PRDM11: variants seen among roughly 807,000 people sequenced by gnomAD.
The protein encoded by PRDM11 is PR domain-containing protein 11.
Under a neutral mutation model 97.8 loss-of-function variants are expected in PRDM11, and 20 were observed. The ratio of observed to expected loss-of-function variants is 0.20; its 90% CI spans 0.14 to 0.30. The LOEUF (loss-of-function observed/expected upper bound fraction) is 0.30. PRDM11 is among the 10% of genes least tolerant of loss of function. The pLI is 1.00. For synonymous variants in PRDM11, 599 were observed against 637.7 expected, an observed-to-expected ratio of 0.94 and a Z score of 0.91; for missense variants, 1,139 against 1,555.2, an observed-to-expected ratio of 0.73 and a Z score of 4.50.
chr11:45,161,952 G>T lies in PRDM11; in HGVS notation c.-7+15075G>T, dbSNP rs555497402. On this transcript the variant is annotated intron_variant, in intron 1 of 7. Coordinates refer to ENST00000683152, the MANE Select transcript of PRDM11 (RefSeq NM_001384648.1). ...CCGGCAGGGCTGGGAATGGTAGCCA[G>T]GCCATCTGGTTCCCTGTCCGGTTCT... Among the ~76,000 whole-genome samples the T allele has an allele frequency of 2.3e-4, 35 of 152,356 alleles. No individual in the cohort carries two copies. In the South Asian group the frequency reaches 3.5e-3, roughly 15 times the overall value.
chr11:45,227,059 C>G lies in PRDM11; in HGVS notation c.2434C>G (p.Leu812Val). 7 of 1,533,954 alleles carry G rather than the reference C, an allele frequency of 4.6e-6. No homozygotes were observed. The highest frequency in any genetic ancestry group is 6.1e-6 in the Non-Finnish European group (7 of 1,146,730). ...CGAGCTGCGGTCCACGGCGGCCACC[C>G]TTTGTGAGGAGACAGAGTTCCTGGG... ...MCELRSTAAT[L>V]CEETEFLGDI... Residue 812 changes from leucine (L) to valine (V), a missense_variant, in exon 8 of 8, where the codon CTT becomes GTT. This residue lies in a region of PRDM11 where 710 missense variants were observed against 1,044.9 expected (regional missense o/e 0.68). Transcript: ENST00000683152. The surrounding 1 kb of genome is among the most constrained non-coding windows in gnomAD (Gnocchi z 8.0).
intron 1 of PRDM11, among the ~76,000 whole-genome samples, chr11:45,136,143 T>C (rs768254572): frequency 8.5e-5 from 13 of 152,218 alleles, no homozygotes; most frequent in Admixed American, 2.6e-4. Flanking sequence ...TGAGAACTCT[T>C]TGTAATAGCT....
At position 45,219,728 on chromosome 11, in the gene PRDM11, A is replaced by C. The variant is rs748356282; in HGVS notation, c.713A>C (p.Gln238Pro). ...ATGAAGCGCCTGCACAGCATGTCCC[A>C]GGAAACCATTCACCGCAACCTGGCC... ...DYMKRLHSMS[Q>P]ETIHRNLARG... is the part of the protein sequence containing the mutation. Residue 238 changes from glutamine to proline, a missense_variant, in exon 6 of 8, where the codon CAG becomes CCG. Coordinates refer to ENST00000683152, the MANE Select transcript of PRDM11 (RefSeq NM_001384648.1). This position sits in a 1 kb window ranked among gnomAD's most constrained non-coding sequence, Gnocchi z 4.2. 7 of 1,613,962 alleles carry C rather than the reference A, an allele frequency of 4.3e-6. No individual in the cohort carries two copies. The Admixed American group carries it at 8.3e-5, about 19-fold the overall frequency.
At chr11:45,200,736 C>T (rs1184534282) in intron 4 of PRDM11, among the ~76,000 whole-genome samples, 1 of 152,210 alleles carries the variant, frequency 6.6e-6, no homozygotes, top group Non-Finnish European at 1.5e-5. Context: ...AGGGTCCCTG[C>T]AGACTGGAGC....
chr11:45,145,066 C>T (rs1288853809), upstream of PRDM11, among the ~76,000 whole-genome samples: 1 of 151,852 alleles, frequency 6.6e-6, no homozygotes, highest in East Asian at 1.9e-4. Flanking sequence ...TTGCATTGAA[C>T]CTCATATAAC....
At chr11:45,107,647 G>C (rs2135599845) in intron 1 of PRDM11, among the ~76,000 whole-genome samples, 1 of 152,154 alleles carries the variant, frequency 6.6e-6, no homozygotes, top group South Asian at 2.1e-4. Context: ...GGTAGGGGTG[G>C]GGTTCCTCTA....
intron 7 of PRDM11, chr11:45,225,055 TA>T: frequency 6.9e-7 from 1 of 1,442,824 alleles, no homozygotes; most frequent in Non-Finnish European, 9.0e-7. Context: ...GTTGCCCTTG[TA>T]TCCTCCTTGT....
At chr11:45,152,979 G>A (rs1487721) in intron 1 of PRDM11, among the ~76,000 whole-genome samples, 70,354 of 152,146 alleles carry the variant, frequency 0.46, 18,178 homozygotes, top group Non-Finnish European at 0.58. Context: ...AACAGCAGTG[G>A]CTTGGGCATA....
At chr11:45,211,405 A>G (rs978356500) in intron 5 of PRDM11, among the ~76,000 whole-genome samples, 3 of 152,162 alleles carry the variant, frequency 2.0e-5, no homozygotes, top group Non-Finnish European at 2.9e-5. Context: ...GGGTCAGCCC[A>G]TACATCATTT....
At position 45,119,619 on chromosome 11, in the gene PRDM11, CAAAAAAAAAAAA is replaced by C. The variant is rs56367204; in HGVS notation, c.96+23737_96+23748del. On this transcript the variant is annotated intron_variant, in intron 1 of 6. Transcript: ENST00000530656. ...CCTGGGTGACAGCGAGATTCTGTCT[CAAAAAAAAAAAA>C]AAAAAAAAAAAAAAAAAACACCTGG... 2.9e-3 allele frequency among the ~76,000 whole-genome samples: 124 copies of C among 43,064 alleles called. 1 individual carries two copies. The highest frequency in any genetic ancestry group is 0.013 in the South Asian group (11 of 826). 28.3% of individuals were successfully genotyped at this position (43,064 alleles called of 152,430 possible).
intron 1 of PRDM11, among the ~76,000 whole-genome samples, chr11:45,173,499 G>A (rs1852252702): frequency 6.6e-6 from 1 of 151,882 alleles, no homozygotes; most frequent in Non-Finnish European, 1.5e-5. Flanking sequence ...GCGCACGGCT[G>A]TAATCCCAGC....
chr11:45,212,296 G>T (rs868462321), intron 5 of PRDM11, among the ~76,000 whole-genome samples: 1 of 152,280 alleles, frequency 6.6e-6, no homozygotes, highest in Middle Eastern at 3.4e-3. Context: ...CTGGGCCCAC[G>T]CACCTCAGGG....
chr11:45,144,824 C>A (rs539098881), upstream of PRDM11, among the ~76,000 whole-genome samples: 2 of 152,360 alleles, frequency 1.3e-5, no homozygotes, highest in African/African-American at 4.8e-5. Context: ...TTCCTCAGTG[C>A]TCTTTTCTCG....
intron 5 of PRDM11, among the ~76,000 whole-genome samples, chr11:45,209,636 G>A (rs1327240912): frequency 6.6e-6 from 1 of 152,174 alleles, no homozygotes; most frequent in East Asian, 1.9e-4. Context: ...AAGGGATGGA[G>A]GACACAGGAG....
At chr11:45,208,993 G>A (rs759652884) in intron 5 of PRDM11, 74 of 456,680 alleles carry the variant, frequency 1.6e-4, no homozygotes, top group Non-Finnish European at 2.5e-4. Flanking sequence ...GAGACCATGC[G>A]GCTGTCCCAT....
chr11:45,172,750 A>G (rs1302921899), intron 1 of PRDM11, among the ~76,000 whole-genome samples: 2 of 152,188 alleles, frequency 1.3e-5, no homozygotes, highest in Non-Finnish European at 2.9e-5. Context: ...ATATGGGAGG[A>G]TATCCAAAGG....
At chr11:45,117,875 G>A (rs1389511310) in intron 1 of PRDM11, among the ~76,000 whole-genome samples, 2 of 152,156 alleles carry the variant, frequency 1.3e-5, no homozygotes, top group African/African-American at 4.8e-5. Flanking sequence ...CTGTACTGTG[G>A]GAAAACCTGA....
intron 1 of PRDM11, among the ~76,000 whole-genome samples, chr11:45,179,250 T>A (rs937767638): frequency 1.3e-5 from 2 of 152,080 alleles, no homozygotes; most frequent in African/African-American, 4.8e-5. Context: ...TCCCAGCCAA[T>A]GGAGAGAATT....
At chr11:45,152,847 A>G (rs940705749) in intron 1 of PRDM11, among the ~76,000 whole-genome samples, 2 of 152,322 alleles carry the variant, frequency 1.3e-5, no homozygotes, top group South Asian at 2.1e-4. Context: ...GGCCTTGACT[A>G]GGCTGTAACA....
Sources: gnomAD v4.1 joint callset for allele counts (sites outside exome capture counted in the v4.1 genomes callset) on GRCh38, gnomAD v4.1.1 for gene constraint, gnomAD v4.1.1 regional missense constraint, Gnocchi (gnomAD v3.1) non-coding constraint, MANE v1.5 for transcripts, NCBI Gene and HGNC (gene_info 2026-07-23, HGNC 2026-07-21) for gene names.